The following PEPD variants were observed in gnomAD, a reference collection of about 807,000 sequenced individuals.
PEPD encodes peptidase D, also known as xaa-Pro dipeptidase.
PEPD carries 53 observed loss-of-function variants against 60.7 expected under a neutral mutation model. The ratio of observed to expected loss-of-function variants is 0.87; its 90% confidence interval spans 0.70 to 1.10. The LOEUF is 1.10. Among genes scored for constraint, PEPD ranks in the 50% least tolerant of loss-of-function variants. The pLI is 0.00. For synonymous variants in PEPD, 267 were observed against 284.1 expected (o/e 0.94, Z 0.60); for missense variants, 711 against 711.9 (o/e 1.00, Z 0.01).
At chr19:33,508,815 C>T (rs77468611) in intron 3 of PEPD, among the ~76,000 whole-genome samples, 1,773 of 152,342 alleles carry the variant, frequency 0.012, 30 homozygotes, top group South Asian at 0.073. Context: ...CTGCAGACAG[C>T]GAGTGTCCAG....
intron 9 of PEPD, among the ~76,000 whole-genome samples, chr19:33,420,713 A>G (rs1354206419): frequency 7.1e-6 from 1 of 140,528 alleles, no homozygotes; most frequent in Non-Finnish European, 1.5e-5. Flanking sequence ...AAATAAATAA[A>G]TAAATAAATA....
chr19:33,464,338 GGGA>G (rs1427354171), intron 7 of PEPD, among the ~76,000 whole-genome samples: 3 of 152,226 alleles, frequency 2.0e-5, no homozygotes, highest in Admixed American at 6.5e-5. Flanking sequence ...CCGCTGCGGT[GGGA>G]GAAGAAGCCT....
At chr19:33,416,315 G>A (rs775207669) in intron 9 of PEPD, among the ~76,000 whole-genome samples, 3 of 152,190 alleles carry the variant, frequency 2.0e-5, no homozygotes, top group Non-Finnish European at 4.4e-5. Flanking sequence ...GTGCGAGGCA[G>A]GAGGGGTCCA....
At chr19:33,486,640 G>T (rs1970401945) in intron 6 of PEPD, among the ~76,000 whole-genome samples, 1 of 152,170 alleles carries the variant, frequency 6.6e-6, no homozygotes, top group Non-Finnish European at 1.5e-5. Flanking sequence ...ACTGCAGGCA[G>T]CAGGCGGCCT....
At chr19:33,481,292 C>T (rs1340078780) in intron 6 of PEPD, among the ~76,000 whole-genome samples, 8 of 152,210 alleles carry the variant, frequency 5.3e-5, no homozygotes, top group South Asian at 2.1e-4. Flanking sequence ...CTAGGCTGGG[C>T]GCAGTGGCTC....
At chr19:33,490,170 C>A in intron 5 of PEPD, 113 bp from the exon 6 acceptor site, 1 of 752,500 alleles carries the variant, frequency 1.3e-6, no homozygotes, top group Non-Finnish European at 2.4e-6. Context: ...TCCCCTCCTG[C>A]CTTCCCCCAA....
At position 33,519,188 on chromosome 19, in the gene PEPD, ACT is replaced by A. The variant is rs368863124; in HGVS notation, c.17+2554_17+2555del. Among the ~76,000 whole-genome samples the A allele has an allele frequency of 2.6e-5, 4 of 152,260 alleles. No individual in the cohort carries two copies. In the East Asian group the frequency reaches 5.8e-4, roughly 22 times the overall value. ...AGGGGATGGGAGGTGACCTCAGCGC[ACT>A]CTGTCTCAACCTGAAGCCTACACCC... On this transcript the variant is annotated intron_variant, in intron 1 of 14. Coordinates refer to ENST00000244137, the MANE Select transcript of PEPD (RefSeq NM_000285.4).
At position 33,388,072 on chromosome 19, in the gene PEPD, G is replaced by C; in HGVS notation, c.1162C>G (p.Arg388Gly). Residue 388 changes from arginine to glycine, a missense_variant, in exon 14 of 15, where the codon CGC becomes GGC. By Grantham distance (125) the Arg-to-Gly change is moderately radical (BLOSUM62 -2). Transcript: ENST00000244137. ...DVGGYPEGVERIDEPGLRSLR... is the reference protein window; with the variant it reads ...DVGGYPEGVEGIDEPGLRSLR... Reference sequence around the variant, plus strand: ...CTCCGCAGGCCGGGCTCGTCGATGCGCTCCACGCCCTGTGGGGAACAGAGG... The same window carrying C: ...CTCCGCAGGCCGGGCTCGTCGATGCCCTCCACGCCCTGTGGGGAACAGAGG... 6.5e-7 allele frequency: 1 copy of C among 1,548,336 alleles called. No homozygotes were observed. Among genetic ancestry groups the C allele is most frequent in the Non-Finnish European group, 8.7e-7 (1 of 1,147,534 alleles).
rs192826294 is a variant in PEPD at position 33,415,326 on chromosome 19, G to A, written c.672-1683C>T. ...TGGCCGGCTTCAGAAAAGACAGGCA[G>A]AGGGACAGAGATGCCATCCGCATGT... On this transcript the variant is annotated intron_variant, in intron 9 of 14. Coordinates refer to ENST00000244137, the MANE Select transcript of PEPD (RefSeq NM_000285.4). 3.0e-3 allele frequency among the ~76,000 whole-genome samples: 462 copies of A among 152,350 alleles called. 3 individuals carry two copies. The highest frequency in any genetic ancestry group is 0.011 in the African/African-American group (446 of 41,572).
chr19:33,411,487 G>A (rs1968771702), intron 11 of PEPD, among the ~76,000 whole-genome samples, 185 bp downstream of exon 11: 1 of 152,144 alleles, frequency 6.6e-6, no homozygotes, highest in Non-Finnish European at 1.5e-5. Flanking sequence ...CAGGCTTTTG[G>A]CCCTGGAGAA....
At chr19:33,475,830 T>C (rs752918548) in intron 7 of PEPD, among the ~76,000 whole-genome samples, 17 of 152,188 alleles carry the variant, frequency 1.1e-4, no homozygotes, top group Non-Finnish European at 2.2e-4. Context: ...ATCCTATGAA[T>C]CATTTGCCTT....
chr19:33,389,705 C>G (rs1968166916), intron 13 of PEPD, among the ~76,000 whole-genome samples: 1 of 152,238 alleles, frequency 6.6e-6, no homozygotes, highest in Admixed American at 6.5e-5. Context: ...TTTGTTTCCC[C>G]AGAGAAACGA....
chr19:33,478,875 G>A (rs977262854), intron 6 of PEPD, among the ~76,000 whole-genome samples: 1 of 152,188 alleles, frequency 6.6e-6, no homozygotes, highest in Non-Finnish European at 1.5e-5. Context: ...GAATCCACGT[G>A]AAGAGAAAGA....
At chr19:33,388,828 C>T (rs1214666618) in intron 13 of PEPD, 1 of 154,610 alleles carries the variant, frequency 6.5e-6, no homozygotes, top group African/African-American at 2.4e-5. Context: ...CACACCCAGC[C>T]TGGCCTTGTC....
At chr19:33,495,487 C>T (rs915609796) in intron 4 of PEPD, among the ~76,000 whole-genome samples, 14 of 146,696 alleles carry the variant, frequency 9.5e-5, no homozygotes, top group African/African-American at 1.3e-4. Flanking sequence ...GGTGACAGAG[C>T]GAGACTCTGT....
chr19:33,411,823 G>T, intron 10 of PEPD, 74 bp from the exon 11 acceptor site: 1 of 888,686 alleles, frequency 1.1e-6, no homozygotes, highest in Non-Finnish European at 1.9e-6. Flanking sequence ...GTGGATGCTC[G>T]ATCCCCTGCC....
intron 6 of PEPD, among the ~76,000 whole-genome samples, chr19:33,489,272 C>T (rs535661695): frequency 6.6e-6 from 1 of 152,274 alleles, no homozygotes; most frequent in Admixed American, 6.5e-5. Context: ...GGGATTAGGA[C>T]AGCAGGGGAC....
chr19:33,405,222 C>T (rs1968592996), intron 11 of PEPD, among the ~76,000 whole-genome samples: 2 of 152,228 alleles, frequency 1.3e-5, no homozygotes, highest in South Asian at 4.1e-4. Context: ...CAGACCCTCC[C>T]TGGGCCCCAT....
chr19:33,450,498 T>A (rs1969678180), intron 9 of PEPD, among the ~76,000 whole-genome samples: 1 of 152,132 alleles, frequency 6.6e-6, no homozygotes, highest in Non-Finnish European at 1.5e-5. Context: ...AAAGAGTCAA[T>A]ACCCACTGAA....
Sources: allele counts gnomAD v4.1 joint callset (sites outside exome capture counted in the v4.1 genomes callset), GRCh38; gene constraint gnomAD v4.1.1; transcripts MANE v1.5; gene names NCBI Gene and HGNC (gene_info 2026-07-23, HGNC 2026-07-21).